The following SLC2A5 variants were observed in gnomAD, a reference collection of about 807,000 sequenced individuals.
SLC2A5 encodes the protein solute carrier family 2 member 5.
A neutral mutation model predicts 50.3 loss-of-function variants in SLC2A5; 56 were observed. The observed-to-expected ratio is 1.11, with a 90% CI of 0.90 to 1.39. The LOEUF (loss-of-function observed/expected upper bound fraction) is 1.39. Ranked by LOEUF, SLC2A5 falls within the 40% of genes most tolerant of loss-of-function variation. The probability of loss-of-function intolerance (pLI) is 0.00; values close to 1 mark genes in which losing one functional copy is unlikely to be tolerated. For missense variants in SLC2A5, 566 were observed against 650.1 expected, an observed-to-expected ratio of 0.87 and a Z score of 1.41; for synonymous variants, 269 against 281.9, an observed-to-expected ratio of 0.95 and a Z score of 0.46.
At chr1:9,041,336 G>C (rs1641296861) in intron 5 of SLC2A5, 4 of 601,532 alleles carry the variant, frequency 6.6e-6, no homozygotes, top group Non-Finnish European at 9.7e-6. Flanking sequence ...ATGGGGCCAG[G>C]CCACCCTCAC....
At chr1:9,087,464 A>T (rs1642415403) in intron 1 of SLC2A5, among the ~76,000 whole-genome samples, 1 of 151,982 alleles carries the variant, frequency 6.6e-6, no homozygotes, top group Non-Finnish European at 1.5e-5. Context: ...TCAGCCTCCC[A>T]AAGTGCTGGA....
Position 9,040,098 on chromosome 1 carries a change from C to A in SLC2A5, c.663G>T (p.Leu221=). 1 of 1,597,442 alleles carries A rather than the reference C, an allele frequency of 6.3e-7. No homozygotes were observed. The highest frequency in any genetic ancestry group is 8.5e-7 in the Non-Finnish European group (1 of 1,172,104). Residue 221 remains leucine, a synonymous_variant, in exon 6 of 12, where the codon CTG becomes CTT. Coordinates refer to ENST00000377424, the MANE Select transcript of SLC2A5 (RefSeq NM_003039.3). This position sits in a 1 kb window ranked among gnomAD's most constrained non-coding sequence, Gnocchi z 4.3. ...CGGCCGCTTCGTCTTTCTTCTGAAT[C>A]AGCAGGTACCTGGGGCTCTCGGGGA... ...PFFPESPRYL[L]IQKKDEAAAK...
In SLC2A5 at chr1:9,040,217, A is replaced by T; in HGVS notation, c.572-28T>A. Reference sequence around the variant, plus strand: ...GGGAGGAAGGCAGCGAGCTGGCACCAGCGGCCTCCCCACCACCCCGAAGGC... The same window carrying T: ...GGGAGGAAGGCAGCGAGCTGGCACCTGCGGCCTCCCCACCACCCCGAAGGC... On this transcript the variant is annotated intron_variant, in intron 5 of 11. Transcript: ENST00000377424. This position sits in a 1 kb window ranked among gnomAD's most constrained non-coding sequence, Gnocchi z 4.3. 2 of 1,541,374 alleles carry T rather than the reference A, an allele frequency of 1.3e-6. No individual in the cohort carries two copies. Among genetic ancestry groups the T allele is most frequent in the Non-Finnish European group, 8.7e-7 (1 of 1,145,706 alleles).
intron 1 of SLC2A5, among the ~76,000 whole-genome samples, chr1:9,060,748 G>T (rs1212539323): frequency 1.3e-5 from 2 of 149,614 alleles, no homozygotes; most frequent in Non-Finnish European, 3.0e-5. Context: ...CACACAATAG[G>T]CTTGGCTCAC....
chr1:9,086,811 G>A (rs1389667581), intron 1 of SLC2A5, among the ~76,000 whole-genome samples: 1 of 152,098 alleles, frequency 6.6e-6, no homozygotes, highest in Admixed American at 6.6e-5. Context: ...GACAGAGCAG[G>A]AGCATCACCA....
At chr1:9,053,911 GA>G (rs1419941487) in intron 3 of SLC2A5, among the ~76,000 whole-genome samples, 3 of 151,344 alleles carry the variant, frequency 2.0e-5, no homozygotes, top group Non-Finnish European at 4.4e-5. Context: ...AGTACTATAG[GA>G]AAGAACAAAA....
chr1:9,070,112 C>T (rs1248381129), upstream of SLC2A5, among the ~76,000 whole-genome samples: 5 of 96,476 alleles, frequency 5.2e-5, no homozygotes, highest in Admixed American at 3.3e-4. Flanking sequence ...GACGGAGTTT[C>T]GCTCTTGTCC....
upstream of SLC2A5, among the ~76,000 whole-genome samples, chr1:9,092,512 C>T (rs116198061): frequency 5.9e-5 from 9 of 152,152 alleles, no homozygotes; most frequent in Admixed American, 5.2e-4. Flanking sequence ...TCCAATACCC[C>T]CTTCTTTCCC....
At chr1:9,083,480 G>A (rs1642373685) in intron 2 of SLC2A5, among the ~76,000 whole-genome samples, 2 of 152,264 alleles carry the variant, frequency 1.3e-5, no homozygotes, top group South Asian at 2.1e-4. Context: ...TCAACATAGC[G>A]CTGGATTTGA....
At chr1:9,043,679 C>T (rs1641362745) in intron 4 of SLC2A5, among the ~76,000 whole-genome samples, 1 of 151,446 alleles carries the variant, frequency 6.6e-6, no homozygotes, top group South Asian at 2.1e-4. Flanking sequence ...TCCACTAGGA[C>T]CTCCCAGCCA....
At chr1:9,058,094 C>A (rs745995858) in intron 2 of SLC2A5, 58 bp downstream of exon 2, 4 of 1,331,386 alleles carry the variant, frequency 3.0e-6, no homozygotes, top group Admixed American at 3.4e-5. Flanking sequence ...CCAGTCCCAC[C>A]CAGGCAATGG....
At chr1:9,046,560 C>T (rs1437324826) in intron 4 of SLC2A5, among the ~76,000 whole-genome samples, 2 of 152,050 alleles carry the variant, frequency 1.3e-5, no homozygotes, top group African/African-American at 4.8e-5. Context: ...ACTGTTAGCA[C>T]CTTTCTGGTA....
At chr1:9,093,389 C>A (rs1484965055), upstream of SLC2A5, among the ~76,000 whole-genome samples, 1 of 152,202 alleles carries the variant, frequency 6.6e-6, no homozygotes, top group Non-Finnish European at 1.5e-5. Context: ...TACATCTCCA[C>A]AGGACCAACT....
chr1:9,074,079 C>G (rs145389085), upstream of SLC2A5, among the ~76,000 whole-genome samples: 25 of 143,382 alleles, frequency 1.7e-4, no homozygotes, highest in Admixed American at 5.0e-4. Flanking sequence ...AACTCCATCT[C>G]CAAAAATTAA....
At chr1:9,083,338 G>A (rs1350334366) in intron 2 of SLC2A5, among the ~76,000 whole-genome samples, 1 of 152,204 alleles carries the variant, frequency 6.6e-6, no homozygotes, top group African/African-American at 2.4e-5. Flanking sequence ...ATAATACAGG[G>A]TGGTCGCAGG....
intron 1 of SLC2A5, among the ~76,000 whole-genome samples, chr1:9,067,094 C>T (rs911063937): frequency 2.0e-5 from 3 of 152,108 alleles, no homozygotes; most frequent in African/African-American, 7.2e-5. Flanking sequence ...CAGACGCCCT[C>T]CTCCCCGGAC....
chr1:9,066,839 G>A (rs1642095251), intron 1 of SLC2A5, among the ~76,000 whole-genome samples: 1 of 151,934 alleles, frequency 6.6e-6, no homozygotes, highest in Admixed American at 6.6e-5. Context: ...TTAGCCAAGG[G>A]TGGTGCTACA....
chr1:9,038,534 T>A (rs758504892), intron 9 of SLC2A5, 28 bp from the exon 10 acceptor site: 1 of 1,591,286 alleles, frequency 6.3e-7, no homozygotes, highest in Non-Finnish European at 8.6e-7. Context: ...TTGGTTCACC[T>A]GGAGCAGACA....
intron 3 of SLC2A5, among the ~76,000 whole-genome samples, chr1:9,053,106 A>AATATAAT (rs1557669875): frequency 9.3e-5 from 10 of 107,386 alleles, no homozygotes; most frequent in African/African-American, 3.9e-4. Context: ...ATTTATATAT[A>AATATAAT]ATATATATTA....
Sources: gnomAD v4.1 joint callset for allele counts (sites outside exome capture counted in the v4.1 genomes callset) on GRCh38, gnomAD v4.1.1 for gene constraint, Gnocchi (gnomAD v3.1) non-coding constraint, MANE v1.5 for transcripts, NCBI Gene and HGNC (gene_info 2026-07-23, HGNC 2026-07-21) for gene names.